Variants in ARHGEF11 observed in about 807,000 individuals in gnomAD.
The protein encoded by ARHGEF11 is Rho guanine nucleotide exchange factor 11.
In ARHGEF11, 55 loss-of-function variants were observed where a neutral mutation model predicts 193.7. That is an observed-to-expected ratio of 0.28 (90% CI 0.23 to 0.36). The LOEUF (loss-of-function observed/expected upper bound fraction) is 0.36, where lower values mean the gene tolerates loss of function less well. Ranked by LOEUF, ARHGEF11 falls within the 10% of genes least tolerant of loss-of-function variation. The pLI is 1.00. For synonymous variants in ARHGEF11, 693 were observed against 768.0 expected (o/e 0.90, Z 1.62); for missense variants, 1,723 against 2,005.6 (o/e 0.86, Z 2.69).
chr1:156,941,572 A>G, intron 34 of ARHGEF11, 139 bp from the exon 35 acceptor site: 1 of 997,128 alleles, frequency 1.0e-6, no homozygotes. Flanking sequence ...CAACCCAGAG[A>G]GGAGGGGGGC....
At chr1:156,961,910 C>G in intron 13 of ARHGEF11, 135 bp from the exon 14 acceptor site, 1 of 695,006 alleles carries the variant, frequency 1.4e-6, no homozygotes, top group Non-Finnish European at 2.6e-6. Flanking sequence ...CTACTGGCAT[C>G]TAGTGGGTAC....
Position 156,945,015 on chromosome 1 carries a change from C to T in ARHGEF11, c.2991+4G>A, listed in dbSNP as rs760464534. The T allele has an allele frequency of 2.5e-6, 4 of 1,612,668 alleles. No homozygotes were observed. In the African/African-American group the frequency reaches 5.3e-5, roughly 22 times the overall value. On this transcript the variant is annotated splice_donor_region_variant and intron_variant, in intron 30 of 40. Transcript: ENST00000368194. The stretch of plus-strand genomic sequence containing the variant: ...GGTTGACTGCTGCAGCCTCTGCCTC[C>T]TACCTTGAACTCTGCTGCCAGGGGG...
At chr1:156,936,694 G>A (rs543899506) in intron 40 of ARHGEF11, 122 bp downstream of exon 40, 5 of 1,168,676 alleles carry the variant, frequency 4.3e-6, no homozygotes, top group East Asian at 2.4e-5. Flanking sequence ...GAATGAACTC[G>A]TTTCACTCAA....
intron 11 of ARHGEF11, among the ~76,000 whole-genome samples, chr1:156,964,297 T>C (rs1267002396): frequency 6.6e-6 from 1 of 152,252 alleles, no homozygotes; most frequent in Non-Finnish European, 1.5e-5. Context: ...GGATTAGGTA[T>C]GATAAGACTT....
intron 7 of ARHGEF11, 46 bp from the exon 8 acceptor site, chr1:156,971,862 G>C: frequency 6.3e-7 from 1 of 1,589,176 alleles, no homozygotes; most frequent in Non-Finnish European, 8.6e-7. Context: ...AAGGCAGAGG[G>C]GTGGTTAATA....
At chr1:157,025,231 T>A (rs1670503418) in intron 1 of ARHGEF11, among the ~76,000 whole-genome samples, 2 of 152,194 alleles carry the variant, frequency 1.3e-5, no homozygotes, top group Non-Finnish European at 2.9e-5. Context: ...TCCTTTCAAG[T>A]GATGTACTCT....
In ARHGEF11 at chr1:156,986,111, C is replaced by A; in HGVS notation, c.95G>T (p.Arg32Leu). The change falls in exon 2 of 41, where the codon CGC becomes CTC. Residue 32 changes from arginine to leucine, a missense_variant. Arg to Leu is a moderately radical substitution (Grantham distance 102). Transcript: ENST00000368194. The part of the protein sequence containing the change: ...APERKSPSHH[R>L]QPSDASETTG... ...TGTCTCAGAGGCATCCGAAGGCTGG[C>A]GATGGTGGGAAGGGGACTTGCGCTC... The A allele has an allele frequency of 1.2e-6, 2 of 1,613,800 alleles. No individual in the cohort carries two copies.
chr1:157,007,086 A>C (rs757110986), intron 1 of ARHGEF11, among the ~76,000 whole-genome samples: 1 of 152,190 alleles, frequency 6.6e-6, no homozygotes, highest in East Asian at 1.9e-4. Flanking sequence ...CCTGTGTCAC[A>C]CCTGTTCTCC....
chr1:157,028,812 G>A (rs537125140), intron 1 of ARHGEF11, among the ~76,000 whole-genome samples: 9 of 152,142 alleles, frequency 5.9e-5, no homozygotes, highest in African/African-American at 1.9e-4. Flanking sequence ...TCAAACCACC[G>A]TGAGATACCA....
At chr1:156,957,865 G>A in intron 17 of ARHGEF11, 50 bp from the exon 18 acceptor site, 1 of 1,602,742 alleles carries the variant, frequency 6.2e-7, no homozygotes, top group Non-Finnish European at 8.5e-7. Flanking sequence ...ACAGAGGCTG[G>A]TCACCTGGTT....
Position 157,044,850 on chromosome 1 carries a change from T to A in ARHGEF11, c.-520A>T, listed in dbSNP as rs1438656862. On this transcript the variant is annotated 5_prime_UTR_variant, in exon 1 of 41. Coordinates refer to ENST00000368194, the MANE Select transcript of ARHGEF11 (RefSeq NM_198236.3). ...TTAATATGACAACAGCAAATATCTT[T>A]GAGGAAAGGAAAAAAAAAAGGATTA... is the stretch of plus-strand genomic sequence containing the variant. 4.2e-6 allele frequency: 1 copy of A among 239,082 alleles called. No homozygotes were observed. The highest frequency in any genetic ancestry group is 2.2e-5 in the African/African-American group (1 of 44,524). 14.8% of individuals were successfully genotyped at this position (239,082 alleles called of 1,614,324 possible).
Position 156,951,764 on chromosome 1 carries a change from A to T in ARHGEF11, c.1799-65T>A, listed in dbSNP as rs1659141684. ...TTCAGGGATGGCTTCTCAGGCTTGGACTTCCCCAGATCCCAGAAGACAGAG... is the reference window on the plus strand; with the variant it reads ...TTCAGGGATGGCTTCTCAGGCTTGGTCTTCCCCAGATCCCAGAAGACAGAG... On this transcript the variant is annotated intron_variant, in intron 21 of 40. Transcript: ENST00000368194. 6 of 1,601,752 alleles carry T rather than the reference A, an allele frequency of 3.7e-6. No individual in the cohort carries two copies. The Admixed American group carries it at 5.0e-5, about 13-fold the overall frequency.
rs142146410 is a variant in ARHGEF11 at position 157,014,621 on chromosome 1, G to A, written c.33-28448C>T. On this transcript the variant is annotated intron_variant, in intron 1 of 40. Transcript: ENST00000368194. ...CACTTCTCATCCAGACTCCTGGGAA[G>A]AGTCGTCTACATCGACTGTCTCCAG... Among the ~76,000 whole-genome samples, 11 of 152,262 alleles carry A rather than the reference G, an allele frequency of 7.2e-5. No homozygotes were observed. The South Asian group carries it at 1.7e-3, about 23-fold the overall frequency.
At chr1:156,943,413 G>A (rs1657489133) in intron 32 of ARHGEF11, among the ~76,000 whole-genome samples, 1 of 152,114 alleles carries the variant, frequency 6.6e-6, no homozygotes, top group Admixed American at 6.5e-5. Flanking sequence ...GCCCACAAGA[G>A]GTAGGGTAGG....
At chr1:157,020,842 A>G (rs1448643872) in intron 1 of ARHGEF11, among the ~76,000 whole-genome samples, 1 of 152,240 alleles carries the variant, frequency 6.6e-6, no homozygotes, top group Non-Finnish European at 1.5e-5. Context: ...CAATGCTGAT[A>G]TCGATAAAGC....
chr1:156,996,942 A>G lies in ARHGEF11; in HGVS notation c.33-10769T>C, dbSNP rs565365023. Among the ~76,000 whole-genome samples, 95 of 147,050 alleles carry G rather than the reference A, an allele frequency of 6.5e-4. No individual in the cohort carries two copies. In the Middle Eastern group the frequency reaches 0.018, roughly 27 times the overall value. ...AGTGGTATGATAATAGTTCACTGAA[A>G]CCTCCAGTTCCTGGTCTTATCTGAT... On this transcript the variant is annotated intron_variant, in intron 1 of 40. Transcript: ENST00000368194.
rs776777877 is a variant in ARHGEF11, at chr1:156,959,149, T to C, written c.1283-7A>G. On this transcript the variant is annotated splice_region_variant and splice_polypyrimidine_tract_variant and intron_variant, in intron 15 of 40. Transcript: ENST00000368194. ...CTGTTCCGCAGGCGCGAGTCTGTAGTGGGAGATCAGAGAAAGCAGAGTGGA... is the reference window on the plus strand; with the variant it reads ...CTGTTCCGCAGGCGCGAGTCTGTAGCGGGAGATCAGAGAAAGCAGAGTGGA... 1.1e-5 allele frequency: 17 copies of C among 1,613,504 alleles called. No individual in the cohort carries two copies. The highest frequency in any genetic ancestry group is 3.3e-5 in the Admixed American group (2 of 59,960).
At chr1:156,967,537 G>A (rs1223212039) in intron 11 of ARHGEF11, among the ~76,000 whole-genome samples, 1 of 152,078 alleles carries the variant, frequency 6.6e-6, no homozygotes. Context: ...AGGGCAGGGG[G>A]AGGTTGATCA....
chr1:156,966,532 A>G (rs1661691559), intron 11 of ARHGEF11, among the ~76,000 whole-genome samples: 1 of 152,218 alleles, frequency 6.6e-6, no homozygotes, highest in South Asian at 2.1e-4. Context: ...TGAAAATACC[A>G]CCTGTTTAAC....
Sources: gnomAD v4.1 joint callset for allele counts (sites outside exome capture counted in the v4.1 genomes callset) on GRCh38, gnomAD v4.1.1 for gene constraint, MANE v1.5 for transcripts, NCBI Gene and HGNC (gene_info 2026-07-23, HGNC 2026-07-21) for gene names.